The following PHACTR2 variants were observed in gnomAD, a reference collection of about 807,000 sequenced individuals.
PHACTR2 encodes the protein phosphatase and actin regulator 2, also known as chromosome 6 open reading frame 56.
In PHACTR2, 30 loss-of-function variants were observed where a neutral mutation model predicts 76.0. That is an observed-to-expected ratio of 0.39 (90% CI 0.30 to 0.54). PHACTR2 has a LOEUF of 0.54. Among genes scored for constraint, PHACTR2 ranks in the 20% least tolerant of loss-of-function variants. The probability of loss-of-function intolerance (pLI) is 0.61; values close to 1 mark genes in which losing one functional copy is unlikely to be tolerated. For synonymous variants in PHACTR2, 292 were observed against 292.5 expected (o/e 1.00, Z 0.02); for missense variants, 696 against 781.1 (o/e 0.89, Z 1.30).
chr6:143,823,966 A>G lies in PHACTR2; in HGVS notation c.*277A>G. 2 of 318,680 alleles carry G rather than the reference A, an allele frequency of 6.3e-6. No individual in the cohort carries two copies. The highest frequency in any genetic ancestry group is 8.9e-4 in the Middle Eastern group (1 of 1,120). The allele number at this position is 318,680 out of a possible 1,614,324, so 19.7% of individuals were successfully genotyped here. ...TATTCTTCATCAGAAGCTTTAATCAAAGAAGATGAGCAGAAGACAATCACT... is the reference window on the plus strand; with the variant it reads ...TATTCTTCATCAGAAGCTTTAATCAGAGAAGATGAGCAGAAGACAATCACT... On this transcript the variant is annotated 3_prime_UTR_variant, in exon 13 of 13. Transcript: ENST00000440869. This position sits in a 1 kb window ranked among gnomAD's most constrained non-coding sequence, Gnocchi z 5.7.
In PHACTR2 at chr6:143,689,665, C is replaced by T. The variant is rs1229302491; in HGVS notation, c.46+11456C>T. On this transcript the variant is annotated intron_variant, in intron 1 of 12. Coordinates refer to ENST00000440869, the MANE Select transcript of PHACTR2 (RefSeq NM_001100164.2). The surrounding 1 kb of genome is among the most constrained non-coding windows in gnomAD (Gnocchi z 4.4). ...CAGAATCATACATTTCCTATTATTTCCCATTTTCCCATTTTCTCATCTTCT... is the reference window on the plus strand; with the variant it reads ...CAGAATCATACATTTCCTATTATTTTCCATTTTCCCATTTTCTCATCTTCT... Among the ~76,000 whole-genome samples, 1 of 151,742 alleles carries T rather than the reference C, an allele frequency of 6.6e-6. No homozygotes were observed. The highest frequency in any genetic ancestry group is 1.5e-5 in the Non-Finnish European group (1 of 67,976).
rs1776956356 is a variant in PHACTR2 at position 143,662,086 on chromosome 6, G to A, written c.14-49930G>A. 6.6e-6 allele frequency among the ~76,000 whole-genome samples: 1 copy of A among 152,176 alleles called. No homozygotes were observed. Among genetic ancestry groups the A allele is most frequent in the African/African-American group, 2.4e-5 (1 of 41,446 alleles). ...AAAGATTAAGTCAGAGCACCTGCAA[G>A]CTTCATTGCTCCTCCCCCTTTCTCA... On this transcript the variant is annotated intron_variant, in intron 1 of 11. Coordinates refer to the PHACTR2 transcript ENST00000305766. This position sits in a 1 kb window ranked among gnomAD's most constrained non-coding sequence, Gnocchi z 4.7.
In PHACTR2 at chr6:143,633,080, G is replaced by A. The variant is rs1296447956; in HGVS notation, c.13+24758G>A. Reference sequence around the variant, plus strand: ...AGCTGCTATAAACATCTGTGTGCAGGGCTTTTTGCTGACATAATCTTTCAG... The same window carrying A: ...AGCTGCTATAAACATCTGTGTGCAGAGCTTTTTGCTGACATAATCTTTCAG... On this transcript the variant is annotated intron_variant, in intron 1 of 11. Coordinates refer to the PHACTR2 transcript ENST00000305766. The surrounding 1 kb of genome is among the most constrained non-coding windows in gnomAD (Gnocchi z 4.1). Among the ~76,000 whole-genome samples, 1 of 152,158 alleles carries A rather than the reference G, an allele frequency of 6.6e-6. No homozygotes were observed. The highest frequency in any genetic ancestry group is 1.5e-5 in the Non-Finnish European group (1 of 68,030).
Position 143,700,830 on chromosome 6 carries a change from G to C in PHACTR2, c.47-11186G>C, listed in dbSNP as rs1322164063. ...ACCTGCTCCACTTCAGACTCCGGGA[G>C]TTGTTGTATATGACTAACATCTACG... On this transcript the variant is annotated intron_variant, in intron 1 of 12. Coordinates refer to ENST00000440869, the MANE Select transcript of PHACTR2 (RefSeq NM_001100164.2). This position sits in a 1 kb window ranked among gnomAD's most constrained non-coding sequence, Gnocchi z 4.1. Among the ~76,000 whole-genome samples the C allele has an allele frequency of 6.6e-6, 1 of 152,192 alleles. No individual in the cohort carries two copies. The highest frequency in any genetic ancestry group is 1.9e-4 in the East Asian group (1 of 5,204).
In PHACTR2 at chr6:143,646,335, T is replaced by G. The variant is rs1415547276; in HGVS notation, c.13+38013T>G. Among the ~76,000 whole-genome samples, 1 of 152,200 alleles carries G rather than the reference T, an allele frequency of 6.6e-6. No homozygotes were observed. Among genetic ancestry groups the G allele is most frequent in the Non-Finnish European group, 1.5e-5 (1 of 68,020 alleles). On this transcript the variant is annotated intron_variant, in intron 1 of 11. Transcript: ENST00000305766. The surrounding 1 kb of genome is among the most constrained non-coding windows in gnomAD (Gnocchi z 4.1). Reference sequence around the variant, plus strand: ...AAAACTCCTAAATAGAACAAGCATTTATCTAACCTTAATATCATAGCATAA... The same window carrying G: ...AAAACTCCTAAATAGAACAAGCATTGATCTAACCTTAATATCATAGCATAA...
chr6:143,695,641 G>A lies in PHACTR2; in HGVS notation c.47-16375G>A, dbSNP rs1777755326. On this transcript the variant is annotated intron_variant, in intron 1 of 12. Transcript: ENST00000440869. This position sits in a 1 kb window ranked among gnomAD's most constrained non-coding sequence, Gnocchi z 4.4. ...AAGGGAAGGGCAGAATAAACAGAGG[G>A]CCCTTTGATAATGATTTCTTAGCCA... 6.6e-6 allele frequency among the ~76,000 whole-genome samples: 1 copy of A among 152,170 alleles called. No individual in the cohort carries two copies.
chr6:143,741,078 T>C (rs1026366685), intron 2 of PHACTR2, among the ~76,000 whole-genome samples: 2 of 152,022 alleles, frequency 1.3e-5, no homozygotes, highest in African/African-American at 4.8e-5. Flanking sequence ...CGAAAACCCA[T>C]CTCTACTAAA....
Position 143,751,460 on chromosome 6 carries a change from A to G in PHACTR2, c.296-2294A>G, listed in dbSNP as rs73778677. On this transcript the variant is annotated intron_variant, in intron 3 of 12. Coordinates refer to ENST00000440869, the MANE Select transcript of PHACTR2 (RefSeq NM_001100164.2). This position sits in a 1 kb window ranked among gnomAD's most constrained non-coding sequence, Gnocchi z 5.7. ...GTGGAGGTGGTTTTGCCTGTGTGCC[A>G]TCCTTTCCTTTTCTCCCACTGTGGA... Among the ~76,000 whole-genome samples the G allele has an allele frequency of 3.3e-5, 5 of 151,750 alleles. No individual in the cohort carries two copies. Among genetic ancestry groups the G allele is most frequent in the Admixed American group, 6.6e-5 (1 of 15,240 alleles).
At chr6:143,601,091 G>C (rs1404787207) in intron 1 of PHACTR2, among the ~76,000 whole-genome samples, 1 of 152,174 alleles carries the variant, frequency 6.6e-6, no homozygotes, top group Non-Finnish European at 1.5e-5. Context: ...ACTCATTCTT[G>C]CTGTTATGTT....
rs1249332762 is a variant in PHACTR2 at position 143,787,127 on chromosome 6, C to T, written c.1708-1646C>T. Among the ~76,000 whole-genome samples, 2 of 152,234 alleles carry T rather than the reference C, an allele frequency of 1.3e-5. No individual in the cohort carries two copies. The highest frequency in any genetic ancestry group is 2.9e-5 in the Non-Finnish European group (2 of 68,044). The stretch of plus-strand genomic sequence containing the variant: ...CCTCCATGAGGCAGCAGTGCCAGCC[C>T]TTACCCTCTGCACCCACTTGCCTCC... On this transcript the variant is annotated intron_variant, in intron 10 of 12. Transcript: ENST00000440869. This position sits in a 1 kb window ranked among gnomAD's most constrained non-coding sequence, Gnocchi z 4.6.
rs773892760 is a variant in PHACTR2 at position 143,788,762 on chromosome 6, T to TA, written c.1708-11_1708-10insA. ...TTACTGAACTCTGCCTTTTTCCTTG[T>TA]CCTCCTGCAGCTCAGCCTGAGACCC... On this transcript the variant is annotated splice_polypyrimidine_tract_variant and intron_variant, in intron 10 of 12. Transcript: ENST00000440869. 3.1e-6 allele frequency: 5 copies of TA among 1,604,506 alleles called. No individual in the cohort carries two copies. In the African/African-American group the frequency reaches 6.7e-5, roughly 21 times the overall value.
intron 2 of PHACTR2, among the ~76,000 whole-genome samples, chr6:143,717,444 G>C (rs994278766): frequency 1.3e-5 from 2 of 152,066 alleles, no homozygotes; most frequent in African/African-American, 4.8e-5. Flanking sequence ...ATTCACTTTT[G>C]CTGCACTTCA....
intron 1 of PHACTR2, among the ~76,000 whole-genome samples, chr6:143,691,877 A>G (rs1777651562): frequency 6.6e-6 from 1 of 152,228 alleles, no homozygotes; most frequent in African/African-American, 2.4e-5. Flanking sequence ...GAAAATTCCA[A>G]AAGGAAGCAA....
chr6:143,637,962 C>A (rs1420878685), intron 1 of PHACTR2, among the ~76,000 whole-genome samples: 2 of 152,160 alleles, frequency 1.3e-5, no homozygotes, highest in Non-Finnish European at 2.9e-5. Context: ...GCTTGAACAC[C>A]AGGAGGCAGT....
intron 1 of PHACTR2, among the ~76,000 whole-genome samples, chr6:143,563,753 T>TG (rs1775317932): frequency 6.6e-6 from 1 of 151,572 alleles, no homozygotes; most frequent in African/African-American, 2.4e-5. Context: ...CCCAGCACTT[T>TG]GGGAGGACAA....
At chr6:143,785,312 A>C (rs1322092379) in intron 10 of PHACTR2, among the ~76,000 whole-genome samples, 2 of 152,304 alleles carry the variant, frequency 1.3e-5, no homozygotes, top group East Asian at 3.9e-4. Context: ...CCAAATTTTA[A>C]AGGTCCAAAA....
At position 143,678,265 on chromosome 6, in the gene PHACTR2, G is replaced by C; in HGVS notation, c.46+56G>C. The stretch of plus-strand genomic sequence containing the variant: ...GCCGCGCGGGCGCAGGGCTGGCGGC[G>C]GGGCCCCGGGGCAGGCAGGGTTAGT... On this transcript the variant is annotated intron_variant, in intron 1 of 12. Transcript: ENST00000440869. The surrounding 1 kb of genome is among the most constrained non-coding windows in gnomAD (Gnocchi z 6.2). 6 of 1,389,210 alleles carry C rather than the reference G, an allele frequency of 4.3e-6. No homozygotes were observed. The South Asian group carries it at 9.9e-5, about 23-fold the overall frequency. 86.1% of individuals were successfully genotyped at this position (1,389,210 alleles called of 1,614,324 possible).
rs1312334533 is a variant in PHACTR2, at chr6:143,578,473, G to C, written c.217+41266G>C. The stretch of plus-strand genomic sequence containing the variant: ...TGTGTAGGTTGTTCACTGCTCAAGA[G>C]CATTGACTGTGGGGAAGAATGGGGC... On this transcript the variant is annotated intron_variant, in intron 1 of 11. Coordinates refer to the PHACTR2 transcript ENST00000367584. The surrounding 1 kb of genome is among the most constrained non-coding windows in gnomAD (Gnocchi z 4.5). Among the ~76,000 whole-genome samples the C allele has an allele frequency of 1.3e-5, 2 of 152,168 alleles. No homozygotes were observed. The highest frequency in any genetic ancestry group is 2.9e-5 in the Non-Finnish European group (2 of 68,026).
chr6:143,777,153 C>T lies in PHACTR2; in HGVS notation c.1590-175C>T, dbSNP rs3762005. On this transcript the variant is annotated intron_variant, in intron 8 of 12. Transcript: ENST00000440869. This position sits in a 1 kb window ranked among gnomAD's most constrained non-coding sequence, Gnocchi z 4.6. ...CTGTGTAATGGGGGTCGGTGAGCAG[C>T]CTCAGCCATGATCTGTAGTCTCCAA... Among the ~76,000 whole-genome samples, 3,018 of 152,310 alleles carry T rather than the reference C, an allele frequency of 0.02. 71 individuals carry two copies. The highest frequency in any genetic ancestry group is 0.12 in the East Asian group (620 of 5,186).
Sources: allele counts gnomAD v4.1 joint callset (sites outside exome capture counted in the v4.1 genomes callset), GRCh38; gene constraint gnomAD v4.1.1; non-coding constraint Gnocchi (gnomAD v3.1); transcripts MANE v1.5; gene names NCBI Gene and HGNC (gene_info 2026-07-23, HGNC 2026-07-21).